Variants in NRXN3 observed in about 807,000 individuals in gnomAD.
NRXN3 encodes the protein neurexin 3, also known as neurexin III.
Under a neutral mutation model 137.6 loss-of-function variants are expected in NRXN3, and 32 were observed. That is an observed-to-expected ratio of 0.23 (90% CI 0.18 to 0.31). The LOEUF is 0.31. Among genes scored for constraint, NRXN3 ranks in the 10% least tolerant of loss-of-function variants. The probability of loss-of-function intolerance (pLI) is 1.00; values close to 1 mark genes in which losing one functional copy is unlikely to be tolerated. For synonymous variants in NRXN3, 798 were observed against 784.5 expected (o/e 1.02, Z -0.29); for missense variants, 1,574 against 2,062.5 (o/e 0.76, Z 4.59).
chr14:79,032,452 A>G (rs74811461), intron 15 of NRXN3, among the ~76,000 whole-genome samples: 7,888 of 152,248 alleles, frequency 0.052, 596 homozygotes, highest in African/African-American at 0.17. Flanking sequence ...TGTTTCTACC[A>G]TAAACAGAAC....
chr14:78,439,000 A>G (rs1407289370), intron 4 of NRXN3, among the ~76,000 whole-genome samples: 3 of 152,028 alleles, frequency 2.0e-5, no homozygotes, highest in Non-Finnish European at 2.9e-5. Flanking sequence ...TCGCAAGTGG[A>G]GGCAAAGAAC....
intron 4 of NRXN3, among the ~76,000 whole-genome samples, chr14:78,413,785 A>T (rs1367610176): frequency 1.5e-5 from 1 of 67,312 alleles, no homozygotes; most frequent in Non-Finnish European, 3.1e-5. Context: ...GGGGCACCAA[A>T]AACATCCACT....
intron 15 of NRXN3, among the ~76,000 whole-genome samples, chr14:79,252,185 C>G (rs1477618378): frequency 6.6e-6 from 1 of 152,100 alleles, no homozygotes; most frequent in Non-Finnish European, 1.5e-5. Context: ...CCAATTCCAC[C>G]TCTTTCAAGG....
intron 15 of NRXN3, among the ~76,000 whole-genome samples, chr14:79,174,823 G>A (rs2062145897): frequency 6.6e-6 from 1 of 151,980 alleles, no homozygotes; most frequent in East Asian, 1.9e-4. Flanking sequence ...AAATGAGATA[G>A]TAATGGAGAA....
intron 4 of NRXN3, among the ~76,000 whole-genome samples, chr14:78,643,849 A>G (rs2097659484): frequency 6.6e-6 from 1 of 152,218 alleles, no homozygotes; most frequent in South Asian, 2.1e-4. Flanking sequence ...GCCTTTAGAA[A>G]GATGGATCAA....
chr14:79,585,970 C>T (rs929810023), intron 16 of NRXN3, among the ~76,000 whole-genome samples: 89 of 152,212 alleles, frequency 5.8e-4, no homozygotes, highest in South Asian at 4.1e-4. Context: ...AGCATACGAA[C>T]GCCAAGTTTG....
intron 4 of NRXN3, among the ~76,000 whole-genome samples, chr14:78,567,041 T>A (rs1243621832): frequency 6.6e-6 from 1 of 152,108 alleles, no homozygotes; most frequent in Non-Finnish European, 1.5e-5. Flanking sequence ...AGACATGATG[T>A]ATGGAGACTC....
chr14:78,174,339 C>T (rs2059057891), intron 1 of NRXN3, among the ~76,000 whole-genome samples: 1 of 152,182 alleles, frequency 6.6e-6, no homozygotes, highest in Non-Finnish European at 1.5e-5. Flanking sequence ...CCAACACGCA[C>T]AGCTCTGATC....
chr14:78,862,920 C>G (rs1010192746), intron 10 of NRXN3, among the ~76,000 whole-genome samples: 3 of 152,062 alleles, frequency 2.0e-5, no homozygotes, highest in African/African-American at 7.2e-5. Context: ...TTTGACATTT[C>G]CTTGTAATTC....
intron 16 of NRXN3, among the ~76,000 whole-genome samples, chr14:79,617,059 C>T (rs1423687771): frequency 3.9e-5 from 6 of 152,066 alleles, no homozygotes; most frequent in Non-Finnish European, 8.8e-5. Flanking sequence ...TTAGATCCGT[C>T]CCACTTAACC....
chr14:78,515,940 T>C (rs1422115906), intron 4 of NRXN3, among the ~76,000 whole-genome samples: 1 of 152,104 alleles, frequency 6.6e-6, no homozygotes, highest in Non-Finnish European at 1.5e-5. Flanking sequence ...CTTAAGCACT[T>C]TAATCCACAG....
chr14:78,766,734 A>G (rs763593888), intron 8 of NRXN3, among the ~76,000 whole-genome samples: 3 of 152,234 alleles, frequency 2.0e-5, no homozygotes, highest in Admixed American at 6.5e-5. Flanking sequence ...GGTCAGCAGC[A>G]TATAGTGTCT....
chr14:79,394,218 T>A (rs1362409650), intron 15 of NRXN3, among the ~76,000 whole-genome samples: 1 of 152,192 alleles, frequency 6.6e-6, no homozygotes, highest in Non-Finnish European at 1.5e-5. Context: ...AGAACACACA[T>A]GTCACTGAGC....
At chr14:79,385,832 T>C (rs1189824821) in intron 15 of NRXN3, among the ~76,000 whole-genome samples, 1 of 152,148 alleles carries the variant, frequency 6.6e-6, no homozygotes, top group Non-Finnish European at 1.5e-5. Context: ...ACCCAGCATA[T>C]AAACAGAACC....
At chr14:79,246,605 C>T (rs1356226848) in intron 15 of NRXN3, 2 of 152,042 alleles carry the variant, frequency 1.3e-5, no homozygotes, top group Admixed American at 6.6e-5. Flanking sequence ...TCATGGCCTT[C>T]TTTAAATGTC....
chr14:79,207,057 C>T (rs2066893783), intron 15 of NRXN3, among the ~76,000 whole-genome samples: 2 of 152,202 alleles, frequency 1.3e-5, no homozygotes, highest in African/African-American at 2.4e-5. Context: ...CCAGCTGCTT[C>T]CTGGCCCTCT....
chr14:78,783,490 A>G (rs2098777313), intron 8 of NRXN3, among the ~76,000 whole-genome samples: 1 of 152,192 alleles, frequency 6.6e-6, no homozygotes, highest in African/African-American at 2.4e-5. Context: ...TATTAATGGG[A>G]AAATAGTAAA....
At chr14:78,353,121 T>C (rs1030669789) in intron 4 of NRXN3, among the ~76,000 whole-genome samples, 6 of 152,174 alleles carry the variant, frequency 3.9e-5, no homozygotes, top group African/African-American at 1.4e-4. Flanking sequence ...TTTATTCTTA[T>C]AGATGAGGAA....
At chr14:78,512,004 A>G (rs77263508) in intron 4 of NRXN3, among the ~76,000 whole-genome samples, 9,015 of 152,266 alleles carry the variant, frequency 0.059, 312 homozygotes, top group Non-Finnish European at 0.075. Flanking sequence ...GTTGTATTAA[A>G]TGCACAATGC....
Sources: gnomAD v4.1 joint callset for allele counts (sites outside exome capture counted in the v4.1 genomes callset) on GRCh38, gnomAD v4.1.1 for gene constraint, MANE v1.5 for transcripts, NCBI Gene and HGNC (gene_info 2026-07-23, HGNC 2026-07-21) for gene names.